Variants in ZFP69B observed in about 807,000 individuals in gnomAD.
The protein encoded by ZFP69B is zinc finger protein 69 homolog B.
Under a neutral mutation model 19.7 loss-of-function variants are expected in ZFP69B, and 20 were observed. The ratio of observed to expected loss-of-function variants is 1.02; its 90% CI spans 0.71 to 1.48. The LOEUF (loss-of-function observed/expected upper bound fraction) is 1.48, where lower values mean the gene tolerates loss of function less well. Among genes scored for constraint, ZFP69B ranks in the 40% most tolerant of loss-of-function variants. ZFP69B has a pLI of 0.00. For synonymous variants in ZFP69B, 220 were observed against 222.7 expected (o/e 0.99, Z 0.11); for missense variants, 583 against 632.6 (o/e 0.92, Z 0.84).
rs751494351 is a variant in ZFP69B at position 40,463,038 on chromosome 1, C to G, written c.1054C>G (p.Gln352Glu). ...KTFRHPSSLT[Q>E]HVRIHTGEKP... is the part of the protein sequence containing the mutation. ...CTTCAGACATCCTTCATCGCTTACT[C>G]AACATGTTAGAATTCATACCGGGGA... Residue 352 changes from glutamine to glutamate, a missense_variant, in exon 5 of 5, where the codon CAA (glutamine) becomes GAA (glutamate). Physicochemically the swap from Gln to Glu is conservative, Grantham distance 29 (BLOSUM62 2). Coordinates refer to ENST00000361584, the MANE Select transcript of ZFP69B (RefSeq NM_023070.3). 6.2e-7 allele frequency: 1 copy of G among 1,613,958 alleles called. No individual in the cohort carries two copies.
intron 4 of ZFP69B, among the ~76,000 whole-genome samples, chr1:40,459,580 C>T (rs1645263651): frequency 6.6e-6 from 1 of 152,226 alleles, no homozygotes. Context: ...CACTAAGGCA[C>T]ATTTCCATCA....
At chr1:40,456,167 A>G (rs1177380908) in intron 2 of ZFP69B, among the ~76,000 whole-genome samples, 2 of 152,106 alleles carry the variant, frequency 1.3e-5, no homozygotes, top group Non-Finnish European at 2.9e-5. Flanking sequence ...TTCTAGATCC[A>G]TGAGGAATCG....
intron 4 of ZFP69B, among the ~76,000 whole-genome samples, chr1:40,460,080 A>G (rs557347703): frequency 9.2e-5 from 14 of 152,298 alleles, no homozygotes; most frequent in African/African-American, 3.4e-4. Flanking sequence ...TATATTGGCA[A>G]AAATTATGAA....
rs560217854 is a variant in ZFP69B at position 40,455,643 on chromosome 1, A to T, written c.214-1302A>T. ...TTAATTATACTTGAAGTTCTGGGATACATGTGCAGAATGTGCGGGTTTGTT... is the reference window on the plus strand; with the variant it reads ...TTAATTATACTTGAAGTTCTGGGATTCATGTGCAGAATGTGCGGGTTTGTT... On this transcript the variant is annotated intron_variant, in intron 2 of 4. Coordinates refer to ENST00000361584, the MANE Select transcript of ZFP69B (RefSeq NM_023070.3). Among the ~76,000 whole-genome samples, 35 of 152,256 alleles carry T rather than the reference A, an allele frequency of 2.3e-4. 1 individual carries two copies. In the South Asian group the frequency reaches 7.1e-3, roughly 31 times the overall value.
rs779031080 is a variant in ZFP69B at position 40,451,032 on chromosome 1, C to T, written c.71C>T (p.Ala24Val). The change falls in exon 1 of 5, where the codon GCG becomes GTG. Residue 24 changes from alanine (A) to valine (V), a missense_variant. Ala to Val is a moderately conservative substitution (Grantham distance 64). Coordinates refer to ENST00000361584, the MANE Select transcript of ZFP69B (RefSeq NM_023070.3). ...TGGGTGAAGTTGCGTCATCCAAAGG[C>T]GGCCACGGAGCGGGTGGCCCTGTGG... Reference protein sequence around the residue: ...STWVKLRHPKAATERVALWED... With the variant: ...STWVKLRHPKVATERVALWED... 4.5e-6 allele frequency: 7 copies of T among 1,549,682 alleles called. No homozygotes were observed. In the South Asian group the frequency reaches 8.3e-5, roughly 18 times the overall value.
intron 4 of ZFP69B, among the ~76,000 whole-genome samples, chr1:40,458,435 C>T (rs1435099447): frequency 1.3e-5 from 2 of 151,638 alleles, no homozygotes; most frequent in Non-Finnish European, 2.9e-5. Flanking sequence ...CAAAATTTCA[C>T]AACAGATTTT....
intron 4 of ZFP69B, among the ~76,000 whole-genome samples, chr1:40,460,583 G>A (rs761844183): frequency 1.6e-4 from 24 of 152,114 alleles, no homozygotes; most frequent in Non-Finnish European, 1.5e-4. Context: ...GGTGGCTCAC[G>A]CCTATAATCT....
chr1:40,454,125 A>G (rs1438269700), intron 1 of ZFP69B, 78 bp from the exon 2 acceptor site: 6 of 1,145,374 alleles, frequency 5.2e-6, no homozygotes, highest in South Asian at 2.0e-5. Context: ...AGAAGCCACA[A>G]TGAGTGGGTC....
chr1:40,463,031 G>C lies in ZFP69B; in HGVS notation c.1047G>C (p.Ser349=). Residue 349 remains serine (S), a synonymous_variant, in exon 5 of 5, where the codon TCG becomes TCC. Coordinates refer to ENST00000361584, the MANE Select transcript of ZFP69B (RefSeq NM_023070.3). ...ECGKTFRHPS[S]LTQHVRIHTG... ...GGAAAACCTTCAGACATCCTTCATC[G>C]CTTACTCAACATGTTAGAATTCATA... is the stretch of plus-strand genomic sequence containing the variant. 6.2e-7 allele frequency: 1 copy of C among 1,613,904 alleles called. No individual in the cohort carries two copies. The highest frequency in any genetic ancestry group is 1.1e-5 in the South Asian group (1 of 91,076).
chr1:40,455,057 G>A (rs1298827650), intron 2 of ZFP69B, among the ~76,000 whole-genome samples: 3 of 152,144 alleles, frequency 2.0e-5, no homozygotes, highest in African/African-American at 7.2e-5. Flanking sequence ...TTTTGGTCAA[G>A]TCCTAGAGCA....
chr1:40,460,541 G>A (rs1260172908), intron 4 of ZFP69B, among the ~76,000 whole-genome samples: 2 of 152,054 alleles, frequency 1.3e-5, no homozygotes, highest in Non-Finnish European at 2.9e-5. Flanking sequence ...ATAAAAAGAG[G>A]CCCTTAAAGA....
At chr1:40,458,130 A>G (rs1645250819) in intron 4 of ZFP69B, among the ~76,000 whole-genome samples, 1 of 152,242 alleles carries the variant, frequency 6.6e-6, no homozygotes, top group Non-Finnish European at 1.5e-5. Context: ...GAGGCTGATT[A>G]AGAAATGTAT....
intron 2 of ZFP69B, among the ~76,000 whole-genome samples, chr1:40,454,794 CCT>C (rs538622105): frequency 4.4e-4 from 67 of 152,256 alleles, no homozygotes; most frequent in African/African-American, 1.6e-3. Context: ...CCACAGGAAA[CCT>C]CTTGTTTTTG....
intron 3 of ZFP69B, 107 bp from the exon 4 acceptor site, chr1:40,457,237 C>T: frequency 6.8e-7 from 1 of 1,480,220 alleles, no homozygotes; most frequent in Non-Finnish European, 9.3e-7. Flanking sequence ...GTTCTTTCTA[C>T]TCTACTCTGC....
At chr1:40,461,702 G>A (rs181673145) in intron 4 of ZFP69B, among the ~76,000 whole-genome samples, 1 of 152,220 alleles carries the variant, frequency 6.6e-6, no homozygotes, top group Non-Finnish European at 1.5e-5. Flanking sequence ...GACTGAGTTG[G>A]GAGGATTGCT....
At chr1:40,456,594 C>A (rs1327650223) in intron 2 of ZFP69B, among the ~76,000 whole-genome samples, 3 of 152,184 alleles carry the variant, frequency 2.0e-5, no homozygotes, top group Non-Finnish European at 1.5e-5. Context: ...TTCAGCCCAA[C>A]AAAAGTCCCT....
In ZFP69B at chr1:40,450,840, A is replaced by G; in HGVS notation, c.-122A>G. ...GGACATTGAGGAGTAGGAGTCGGCGATTAAGGAGATCGGTACAATTGGGAA... is the reference window on the plus strand; with the variant it reads ...GGACATTGAGGAGTAGGAGTCGGCGGTTAAGGAGATCGGTACAATTGGGAA... On this transcript the variant is annotated 5_prime_UTR_variant, in exon 1 of 5. Coordinates refer to ENST00000361584, the MANE Select transcript of ZFP69B (RefSeq NM_023070.3). The G allele has an allele frequency of 1.7e-6, 2 of 1,178,834 alleles. No homozygotes were observed. Among genetic ancestry groups the G allele is most frequent in the Non-Finnish European group, 2.2e-6 (2 of 903,668 alleles). 73.0% of individuals were successfully genotyped at this position (1,178,834 alleles called of 1,614,324 possible). A position where few individuals can be genotyped will look rare whatever the true frequency, so the allele number is the denominator to read the frequency against.
At chr1:40,454,421 C>A in intron 2 of ZFP69B, 133 bp downstream of exon 2, 1 of 588,830 alleles carries the variant, frequency 1.7e-6, no homozygotes, top group Non-Finnish European at 2.6e-6. Flanking sequence ...TTTTTTGAGA[C>A]GGAGTCTCAC....
chr1:40,451,654 G>GT (rs1645187763), intron 1 of ZFP69B, among the ~76,000 whole-genome samples: 1 of 77,656 alleles, frequency 1.3e-5, no homozygotes, highest in South Asian at 3.8e-4. Flanking sequence ...AGAAAGACGT[G>GT]GGGGGGGGGG....
Sources: allele counts gnomAD v4.1 joint callset (sites outside exome capture counted in the v4.1 genomes callset), GRCh38; gene constraint gnomAD v4.1.1; transcripts MANE v1.5; gene names NCBI Gene and HGNC (gene_info 2026-07-23, HGNC 2026-07-21).